CCAR1: variants seen among roughly 807,000 people sequenced by gnomAD.
The protein encoded by CCAR1 is cell division cycle and apoptosis regulator protein 1.
CCAR1 carries 78 observed loss-of-function variants against 163.8 expected under a neutral mutation model. The observed-to-expected ratio is 0.48, with a 90% CI of 0.40 to 0.57. The LOEUF (loss-of-function observed/expected upper bound fraction) is 0.57, where lower values mean the gene tolerates loss of function less well. CCAR1 is among the 20% of genes least tolerant of loss of function. The pLI is 0.00. For synonymous variants in CCAR1, 443 were observed against 460.7 expected, an observed-to-expected ratio of 0.96 and a Z score of 0.49; for missense variants, 1,019 against 1,365.2, an observed-to-expected ratio of 0.75 and a Z score of 4.00.
At chr10:68,788,423 C>T (rs370891994) in intron 23 of CCAR1, 95 bp downstream of exon 23, 2 of 770,924 alleles carry the variant, frequency 2.6e-6, no homozygotes, top group South Asian at 3.9e-5. Context: ...TACCTGTGTA[C>T]ACATTTGCAT....
chr10:68,777,665 CAG>C (rs2056682680), intron 19 of CCAR1, among the ~76,000 whole-genome samples: 1 of 148,362 alleles, frequency 6.7e-6, no homozygotes, highest in Admixed American at 6.8e-5. Context: ...GCCTGGGTGA[CAG>C]AGCAAGACTC....
chr10:68,732,984 A>T (rs2056060985), intron 2 of CCAR1, among the ~76,000 whole-genome samples: 1 of 152,142 alleles, frequency 6.6e-6, no homozygotes. Flanking sequence ...CTGTATTCTC[A>T]TTGCGGTTAA....
chr10:68,788,128 T>C lies in CCAR1; in HGVS notation c.3002-15T>C. 6.5e-7 allele frequency: 1 copy of C among 1,537,890 alleles called. No individual in the cohort carries two copies. Among genetic ancestry groups the C allele is most frequent in the East Asian group, 2.3e-5 (1 of 43,770 alleles). ...AAAAATAACTTACTAAAATATGGTA[T>C]ATTTTATATTATAGGAAACAGATTA... On this transcript the variant is annotated splice_polypyrimidine_tract_variant and intron_variant, in intron 22 of 24. Coordinates refer to ENST00000265872, the MANE Select transcript of CCAR1 (RefSeq NM_018237.4).
chr10:68,786,845 G>GATTAT, intron 21 of CCAR1, 153 bp downstream of exon 21: 1 of 581,466 alleles, frequency 1.7e-6, no homozygotes, highest in Non-Finnish European at 2.8e-6. Flanking sequence ...AGCAGGTTGG[G>GATTAT]AGGCTGAGGC....
intron 15 of CCAR1, among the ~76,000 whole-genome samples, chr10:68,757,958 G>A (rs1589171036): frequency 1.3e-5 from 2 of 150,454 alleles, no homozygotes; most frequent in Admixed American, 1.3e-4. Context: ...AGCCATTATG[G>A]TCTCAATCTC....
At chr10:68,765,680 GAGTT>G (rs1428882638) in intron 16 of CCAR1, among the ~76,000 whole-genome samples, 1 of 152,106 alleles carries the variant, frequency 6.6e-6, no homozygotes, top group African/African-American at 2.4e-5. Flanking sequence ...ATCCAAAAGA[GAGTT>G]AGGAGCCATC....
chr10:68,784,956 C>G (rs1009205537), intron 19 of CCAR1, among the ~76,000 whole-genome samples: 3 of 135,210 alleles, frequency 2.2e-5, no homozygotes, highest in African/African-American at 8.6e-5. Context: ...CTCGCTCTGT[C>G]ACCCCGGCTG....
chr10:68,723,330 C>T (rs2055888682), intron 2 of CCAR1, among the ~76,000 whole-genome samples: 1 of 149,410 alleles, frequency 6.7e-6, no homozygotes, highest in African/African-American at 2.4e-5. Context: ...GGGGTTTCAC[C>T]GTCTTAGCCA....
chr10:68,736,351 A>T (rs2133321218), intron 2 of CCAR1, among the ~76,000 whole-genome samples: 1 of 152,116 alleles, frequency 6.6e-6, no homozygotes, highest in Non-Finnish European at 1.5e-5. Flanking sequence ...TTGTGGTGAG[A>T]AGACTTAAAA....
At chr10:68,758,165 G>A (rs1421038334) in intron 15 of CCAR1, among the ~76,000 whole-genome samples, 1 of 151,882 alleles carries the variant, frequency 6.6e-6, no homozygotes, top group African/African-American at 2.4e-5. Flanking sequence ...AATGATTCTT[G>A]TGCCTCAGCC....
chr10:68,742,558 C>T lies in CCAR1; in HGVS notation c.507C>T (p.Phe169=). The change falls in exon 6 of 25, where the codon TTC becomes TTT. Residue 169 remains phenylalanine (F), a synonymous_variant. Coordinates refer to ENST00000265872, the MANE Select transcript of CCAR1 (RefSeq NM_018237.4). ...TTGGATTTGTGGATGAAGATGTATT[C>T]TTTCAGCTTAGGTAAACTTAATGAG... ...DTFGFVDEDV[F]FQLSAVKGKT... 6.2e-7 allele frequency: 1 copy of T among 1,612,520 alleles called. No individual in the cohort carries two copies. Among genetic ancestry groups the T allele is most frequent in the East Asian group, 2.2e-5 (1 of 44,868 alleles).
At chr10:68,735,096 C>T (rs901210176) in intron 2 of CCAR1, among the ~76,000 whole-genome samples, 4 of 152,060 alleles carry the variant, frequency 2.6e-5, no homozygotes, top group African/African-American at 9.7e-5. Context: ...ACCTGTAATC[C>T]CAGTACTTTG....
chr10:68,737,034 G>A lies in CCAR1; in HGVS notation c.232G>A (p.Ala78Thr), dbSNP rs1320733592. ...ALQQQAAAAA[A>T]ALQQQYSQPQ... ...GCAGCAACAAGCCGCAGCTGCAGCA[G>A]CTGCATTACAACAGGTAAATCTTTA... Residue 78 changes from alanine (A) to threonine (T), a missense_variant, in exon 3 of 25, where the codon GCT becomes ACT. Physicochemically the swap from Ala to Thr is moderately conservative, Grantham distance 58. Coordinates refer to ENST00000265872, the MANE Select transcript of CCAR1 (RefSeq NM_018237.4). The A allele has an allele frequency of 6.2e-7, 1 of 1,612,832 alleles. No individual in the cohort carries two copies. Among genetic ancestry groups the A allele is most frequent in the Non-Finnish European group, 8.5e-7 (1 of 1,179,174 alleles).
chr10:68,729,057 A>G (rs573035586), intron 2 of CCAR1, among the ~76,000 whole-genome samples: 29 of 152,288 alleles, frequency 1.9e-4, no homozygotes, highest in African/African-American at 6.5e-4. Flanking sequence ...GTGACTATTA[A>G]GCCCCTGAAA....
intron 19 of CCAR1, among the ~76,000 whole-genome samples, chr10:68,774,490 T>C (rs1386020148): frequency 6.6e-6 from 1 of 151,762 alleles, no homozygotes; most frequent in Non-Finnish European, 1.5e-5. Context: ...ATACAAAAAA[T>C]TAGCCGGGCA....
Position 68,791,306 on chromosome 10 carries a change from TA to T in CCAR1, c.*42del. 1 of 1,326,634 alleles carries T rather than the reference TA, an allele frequency of 7.5e-7. No individual in the cohort carries two copies. The highest frequency in any genetic ancestry group is 1.1e-6 in the Non-Finnish European group (1 of 946,080). The allele number at this position is 1,326,634 out of a possible 1,614,324, so 82.2% of individuals were successfully genotyped here. A position where few individuals can be genotyped will look rare whatever the true frequency, so the allele number is the denominator to read the frequency against. On this transcript the variant is annotated 3_prime_UTR_variant, in exon 25 of 25. Transcript: ENST00000265872. Reference sequence around the variant, plus strand: ...TGATGAGGAATGGTGTTAAATAATGTAATATATAAAAATCATGATATAAGAA... The same window carrying T: ...TGATGAGGAATGGTGTTAAATAATGTATATATAAAAATCATGATATAAGAA...
At chr10:68,745,848 T>C (rs2056246611) in intron 6 of CCAR1, among the ~76,000 whole-genome samples, 1 of 152,166 alleles carries the variant, frequency 6.6e-6, no homozygotes, top group Admixed American at 6.6e-5. Flanking sequence ...GATCTCACAA[T>C]GTTGCCCAAG....
chr10:68,782,852 A>G (rs148274356), intron 19 of CCAR1, among the ~76,000 whole-genome samples: 1 of 152,222 alleles, frequency 6.6e-6, no homozygotes, highest in African/African-American at 2.4e-5. Flanking sequence ...ATCTGCTCAG[A>G]AAAAAAGATT....
Position 68,771,447 on chromosome 10 carries a change from T to G in CCAR1, c.2538+2T>G. On this transcript the variant is annotated splice_donor_variant, in intron 18 of 24. Transcript: ENST00000265872. LOFTEE classifies it high-confidence loss of function. ...AAAGAAGATAGAGATGAAAGGAAGG[T>G]CTGTAATAACAACCTGCTTTAGAAG... 1 of 1,556,018 alleles carries G rather than the reference T, an allele frequency of 6.4e-7. No individual in the cohort carries two copies. The highest frequency in any genetic ancestry group is 8.7e-7 in the Non-Finnish European group (1 of 1,146,974).
Sources: gnomAD v4.1 joint callset for allele counts (sites outside exome capture counted in the v4.1 genomes callset) on GRCh38, gnomAD v4.1.1 for gene constraint, MANE v1.5 for transcripts, NCBI Gene and HGNC (gene_info 2026-07-23, HGNC 2026-07-21) for gene names.